The following GAB3 variants were observed in gnomAD, a reference collection of about 807,000 sequenced individuals.
GAB3 encodes GRB2 associated binding protein 3, also known as GRB2-associated-binding protein 3.
GAB3 carries 12 observed loss-of-function variants against 40.4 expected under a neutral mutation model. That is an observed-to-expected ratio of 0.30 (90% CI 0.19 to 0.48). GAB3 has a LOEUF of 0.48. GAB3 is among the 20% of genes least tolerant of loss of function. The pLI, the probability that GAB3 is intolerant of heterozygous loss-of-function variation, is 0.99. For synonymous variants in GAB3, 154 were observed against 176.7 expected, an observed-to-expected ratio of 0.87 and a Z score of 1.02; for missense variants, 381 against 461.9, an observed-to-expected ratio of 0.82 and a Z score of 1.61.
chrX:154,676,836 G>T lies in GAB3; in HGVS notation c.*1342C>A, dbSNP rs2070304008. 1 of 111,438 alleles carries T rather than the reference G, an allele frequency of 9.0e-6. No homozygotes were observed. The highest frequency in any genetic ancestry group is 3.3e-5 in the African/African-American group (1 of 30,569). The allele number at this position is 111,438 out of a possible 1,213,427, so 9.2% of individuals were successfully genotyped here. ...ATCTGCTTAGTTTCCAGCTGTAGGT[G>T]CTCAGAAGGATCAAGAATGGACACT... On this transcript the variant is annotated 3_prime_UTR_variant, in exon 10 of 10. Transcript: ENST00000424127.
chrX:154,705,485 C>G (rs138174705), intron 4 of GAB3, among the ~76,000 whole-genome samples: 1,424 of 111,403 alleles, frequency 0.013, 17 homozygotes, highest in African/African-American at 0.043. Context: ...AGGATAAAAA[C>G]CATATGATCA....
intron 1 of GAB3, among the ~76,000 whole-genome samples, chrX:154,738,239 C>T (rs1469460102): frequency 1.8e-5 from 2 of 111,839 alleles, no homozygotes; most frequent in South Asian, 3.7e-4. Context: ...CTCAGAAGCA[C>T]GATGTCCAGA....
intron 1 of GAB3, among the ~76,000 whole-genome samples, chrX:154,743,257 G>A (rs1242976894): frequency 9.1e-6 from 1 of 110,325 alleles, no homozygotes; most frequent in African/African-American, 3.3e-5. Context: ...TCTATGCCCA[G>A]TGAAAATATT....
intron 1 of GAB3, among the ~76,000 whole-genome samples, chrX:154,737,669 T>C (rs930445022): frequency 1.8e-5 from 2 of 111,858 alleles, no homozygotes; most frequent in African/African-American, 3.3e-5. Flanking sequence ...TTGCTCACAG[T>C]GTTTGTATGA....
At position 154,712,606 on chromosome X, in the gene GAB3, G is replaced by A; in HGVS notation, c.692C>T (p.Pro231Leu). Residue 231 changes from proline to leucine, a missense_variant, in exon 4 of 10, where the codon CCC becomes CTC. Physicochemically the swap from Pro to Leu is moderately conservative, Grantham distance 98. Around this residue, in one of 2 missense-constraint regions of GAB3, gnomAD observed 364 missense variants for 421.0 expected, o/e 0.86. Transcript: ENST00000424127. ...DVFVDCLQPL[P>L]SSHLVHPSCH... is the part of the protein sequence containing the mutation. ...TGAGGGGTGGACCAAATGACTGGAG[G>A]GGAGCGGCTGCAGGCAGTCAACAAA... 8.8e-7 allele frequency: 1 copy of A among 1,142,644 alleles called. No individual in the cohort carries two copies. Among genetic ancestry groups the A allele is most frequent in the Non-Finnish European group, 1.2e-6 (1 of 863,297 alleles). The allele number at this position is 1,142,644 out of a possible 1,213,427, so 94.2% of individuals were successfully genotyped here.
At chrX:154,719,041 C>T (rs925214049) in intron 1 of GAB3, among the ~76,000 whole-genome samples, 1 of 111,733 alleles carries the variant, frequency 8.9e-6, no homozygotes, top group Non-Finnish European at 1.9e-5. Context: ...CCTAAAAGAC[C>T]TCACTCTCTA....
Position 154,716,301 on chromosome X carries a change from C to T in GAB3, c.101G>A (p.Arg34Gln), listed in dbSNP as rs1557257646. Residue 34 changes from arginine to glutamine, a missense_variant, in exon 2 of 10, where the codon CGG becomes CAG. By Grantham distance (43) the Arg-to-Gln change is conservative. Around this residue, in one of 2 missense-constraint regions of GAB3, gnomAD observed 364 missense variants for 421.0 expected, o/e 0.86. Coordinates refer to ENST00000424127, the MANE Select transcript of GAB3 (RefSeq NM_001081573.3). ...YAWRKRWFVL[R>Q]RGRMSGNPDV... The stretch of plus-strand genomic sequence containing the variant: ...GGGGTTGCCGCTCATGCGGCCTCGC[C>T]GGAGGACAAACCAGCGCTTGCGCCA... The T allele has an allele frequency of 5.0e-6, 6 of 1,210,422 alleles. No homozygotes were observed. The highest frequency in any genetic ancestry group is 3.0e-5 in the East Asian group (1 of 33,812).
intron 8 of GAB3, among the ~76,000 whole-genome samples, chrX:154,689,114 C>A (rs782635349): frequency 9.0e-6 from 1 of 110,518 alleles, no homozygotes; most frequent in South Asian, 3.8e-4. Flanking sequence ...GTTCAATATA[C>A]GCAAATCAGT....
chrX:154,716,321 G>A lies in GAB3; in HGVS notation c.81C>T (p.Arg27=). 8.3e-7 allele frequency: 1 copy of A among 1,206,788 alleles called. No homozygotes were observed. The highest frequency in any genetic ancestry group is 1.1e-6 in the Non-Finnish European group (1 of 892,925). ...PERKLQRYAW[R]KRWFVLRRGR... ...CTCGCCGGAGGACAAACCAGCGCTT[G>A]CGCCAGGCCTGCAGAAAGGCAATTC... Residue 27 remains arginine, a synonymous_variant, in exon 2 of 10, where the codon CGC becomes CGT. Transcript: ENST00000424127.
chrX:154,688,285 G>T (rs782166908), intron 8 of GAB3, among the ~76,000 whole-genome samples: 8 of 100,147 alleles, frequency 8.0e-5, no homozygotes, highest in South Asian at 4.4e-4. Flanking sequence ...TTTTGTTTTT[G>T]TTTTTTTTTT....
In GAB3 at chrX:154,712,360, G is replaced by C; in HGVS notation, c.938C>G (p.Pro313Arg). Reference sequence around the variant, plus strand: ...CCGTTCAGACAGATGGCTTGGCTTAGGGGGGCGGGGAGGTGGAGTGTTGGA... The same window carrying C: ...CCGTTCAGACAGATGGCTTGGCTTACGGGGGCGGGGAGGTGGAGTGTTGGA... The part of the protein sequence containing the change: ...IMSNTPPPRP[P>R]KPSHLSERRQ... Residue 313 changes from proline (P) to arginine (R), a missense_variant, in exon 4 of 10, where the codon CCT (proline) becomes CGT (arginine). This residue lies in a region of GAB3 where 364 missense variants were observed against 421.0 expected (regional missense o/e 0.86). Transcript: ENST00000424127. 1 of 1,211,501 alleles carries C rather than the reference G, an allele frequency of 8.3e-7. No homozygotes were observed. The highest frequency in any genetic ancestry group is 1.1e-6 in the Non-Finnish European group (1 of 895,151).
At chrX:154,688,945 G>A (rs920771649) in intron 8 of GAB3, among the ~76,000 whole-genome samples, 3 of 111,001 alleles carry the variant, frequency 2.7e-5, no homozygotes, top group East Asian at 2.8e-4. Context: ...TACCAAAGCC[G>A]GGCAGAGACA....
chrX:154,716,380 C>T (rs1557257664), intron 1 of GAB3, 51 bp from the exon 2 acceptor site: 4 of 1,091,585 alleles, frequency 3.7e-6, no homozygotes, highest in Non-Finnish European at 4.9e-6. Context: ...TCTCTTGTTT[C>T]TCAGGCTATG....
Position 154,696,017 on chromosome X carries a change from C to G in GAB3, c.1430G>C (p.Ser477Thr). 8.7e-7 allele frequency: 1 copy of G among 1,143,872 alleles called. No individual in the cohort carries two copies. The allele number at this position is 1,143,872 out of a possible 1,213,427, so 94.3% of individuals were successfully genotyped here. A position where few individuals can be genotyped will look rare whatever the true frequency, so the allele number is the denominator to read the frequency against. ...TTCTGGAGAGAGAAAGCTGGTTCGA[C>G]TGCTAAGAATAAAAATATAGATGAG... ...SLTRTRTVPCSRTSFLSPERN... is the reference protein window; with the variant it reads ...SLTRTRTVPCTRTSFLSPERN... Residue 477 changes from serine to threonine, a missense_variant and splice_region_variant, in exon 8 of 10, where the codon AGT (serine) becomes ACT (threonine). Ser to Thr is a moderately conservative substitution (Grantham distance 58). Around this residue, in one of 2 missense-constraint regions of GAB3, gnomAD observed 364 missense variants for 421.0 expected, o/e 0.86. Transcript: ENST00000424127.
chrX:154,708,822 A>T (rs1002100495), intron 4 of GAB3, among the ~76,000 whole-genome samples: 8 of 112,235 alleles, frequency 7.1e-5, no homozygotes, highest in Admixed American at 3.8e-4. Context: ...AACTAAAAAT[A>T]TAACTACCTT....
chrX:154,710,829 GA>G (rs2070932278), intron 4 of GAB3, among the ~76,000 whole-genome samples: 1 of 112,297 alleles, frequency 8.9e-6, no homozygotes, highest in Non-Finnish European at 1.9e-5. Flanking sequence ...TGTTTGTGTT[GA>G]AATTTCAAAT....
intron 4 of GAB3, among the ~76,000 whole-genome samples, chrX:154,708,899 C>G (rs1239548890): frequency 1.8e-5 from 2 of 112,029 alleles, no homozygotes; most frequent in Non-Finnish European, 3.8e-5. Context: ...CAAAGAGATA[C>G]TTGCCCTCCT....
intron 8 of GAB3, among the ~76,000 whole-genome samples, chrX:154,695,062 G>C (rs954515025): frequency 6.2e-5 from 7 of 112,079 alleles, no homozygotes; most frequent in African/African-American, 2.3e-4. Flanking sequence ...CTTGCATATA[G>C]GAAGGCAGAA....
intron 1 of GAB3, among the ~76,000 whole-genome samples, chrX:154,729,565 A>G (rs995698754): frequency 8.9e-6 from 1 of 111,926 alleles, no homozygotes; most frequent in Non-Finnish European, 1.9e-5. Flanking sequence ...GGACTGGGTC[A>G]CCAAATGCAT....
Sources: allele counts gnomAD v4.1 joint callset (sites outside exome capture counted in the v4.1 genomes callset), GRCh38; gene constraint gnomAD v4.1.1; regional missense constraint gnomAD v4.1.1; transcripts MANE v1.5; gene names NCBI Gene and HGNC (gene_info 2026-07-23, HGNC 2026-07-21).